PLGRKT: variants seen among roughly 807,000 people sequenced by gnomAD.
PLGRKT encodes the protein plasminogen receptor with a C-terminal lysine, also known as plasminogen receptor (KT).
In PLGRKT, 22 loss-of-function variants were observed where a neutral mutation model predicts 18.5. That is an observed-to-expected ratio of 1.19 (90% CI 0.85 to 1.70). The LOEUF is 1.70. PLGRKT is among the 40% of genes most tolerant of loss of function. The probability of loss-of-function intolerance (pLI) is 0.00; values close to 1 mark genes in which losing one functional copy is unlikely to be tolerated. For missense variants in PLGRKT, 235 were observed against 174.4 expected (o/e 1.35, Z -1.96); for synonymous variants, 72 against 52.8 (o/e 1.36, Z -1.58).
intron 3 of PLGRKT, among the ~76,000 whole-genome samples, chr9:5,393,480 C>T (rs1302410841): frequency 1.3e-5 from 2 of 151,882 alleles, no homozygotes; most frequent in Non-Finnish European, 2.9e-5. Context: ...TTTCTTGTTA[C>T]TATACCTTTC....
chr9:5,396,037 G>A (rs1818039912), intron 3 of PLGRKT, among the ~76,000 whole-genome samples: 1 of 151,340 alleles, frequency 6.6e-6, no homozygotes, highest in South Asian at 2.1e-4. Flanking sequence ...GGGATTACAG[G>A]TGCCCGCCAA....
At chr9:5,422,327 A>G (rs1818593803) in intron 3 of PLGRKT, among the ~76,000 whole-genome samples, 1 of 152,208 alleles carries the variant, frequency 6.6e-6, no homozygotes, top group South Asian at 2.1e-4. Context: ...CCACCTAGAA[A>G]AGATTCTTGC....
intron 3 of PLGRKT, among the ~76,000 whole-genome samples, chr9:5,391,199 T>G (rs1399318540): frequency 1.3e-5 from 2 of 151,962 alleles, no homozygotes; most frequent in African/African-American, 4.9e-5. Context: ...TGAGGCAACT[T>G]TATATGATGC....
intron 3 of PLGRKT, among the ~76,000 whole-genome samples, chr9:5,396,446 T>C (rs1818050376): frequency 6.6e-6 from 1 of 150,842 alleles, no homozygotes; most frequent in Admixed American, 6.6e-5. Flanking sequence ...CCACCACACA[T>C]GGCTAATTTT....
At chr9:5,388,856 T>C (rs1817893671) in intron 3 of PLGRKT, among the ~76,000 whole-genome samples, 1 of 152,074 alleles carries the variant, frequency 6.6e-6, no homozygotes, top group Non-Finnish European at 1.5e-5. Context: ...CGTTCATATA[T>C]GCAAAGAACC....
intron 3 of PLGRKT, among the ~76,000 whole-genome samples, chr9:5,406,606 G>T (rs1050112763): frequency 6.6e-6 from 1 of 151,928 alleles, no homozygotes; most frequent in Non-Finnish European, 1.5e-5. Flanking sequence ...GGGGCCTGTT[G>T]GGGGAGGGTG....
intron 3 of PLGRKT, among the ~76,000 whole-genome samples, chr9:5,376,454 C>T (rs1349013246): frequency 6.6e-6 from 1 of 152,100 alleles, no homozygotes; most frequent in Non-Finnish European, 1.5e-5. Flanking sequence ...ATACTAACTA[C>T]CTCTGAGGTT....
intron 3 of PLGRKT, among the ~76,000 whole-genome samples, chr9:5,370,044 C>A (rs540227385): frequency 5.3e-4 from 81 of 152,038 alleles, no homozygotes; most frequent in African/African-American, 1.7e-3. Flanking sequence ...CAAACCTGCA[C>A]ATTCTGCACA....
At chr9:5,396,556 A>G (rs1426804316) in intron 3 of PLGRKT, among the ~76,000 whole-genome samples, 2 of 152,044 alleles carry the variant, frequency 1.3e-5, no homozygotes, top group Non-Finnish European at 2.9e-5. Flanking sequence ...CAGCCTCGCA[A>G]AGTGCTGGAA....
intron 3 of PLGRKT, among the ~76,000 whole-genome samples, chr9:5,411,857 G>A (rs1030636088): frequency 2.0e-5 from 3 of 152,020 alleles, no homozygotes; most frequent in Non-Finnish European, 2.9e-5. Flanking sequence ...TCCTATTCTT[G>A]AATAAAATGA....
In PLGRKT at chr9:5,395,286, T is replaced by C. The variant is rs575870477; in HGVS notation, c.82-33398A>G. Reference sequence around the variant, plus strand: ...TAGGATTTGAGTAAAGTTACTGATATATGCTGTAGATATATGAAACTATAA... The same window carrying C: ...TAGGATTTGAGTAAAGTTACTGATACATGCTGTAGATATATGAAACTATAA... On this transcript the variant is annotated intron_variant, in intron 3 of 5. Transcript: ENST00000223864. 3.3e-5 allele frequency among the ~76,000 whole-genome samples: 5 copies of C among 152,038 alleles called. 1 individual carries two copies. The highest frequency in any genetic ancestry group is 1.2e-4 in the African/African-American group (5 of 41,298).
intron 3 of PLGRKT, among the ~76,000 whole-genome samples, chr9:5,399,382 A>G (rs1188989520): frequency 6.6e-6 from 1 of 151,908 alleles, no homozygotes; most frequent in South Asian, 2.1e-4. Context: ...TTATTATTTC[A>G]CCTTATATCA....
chr9:5,375,996 C>T (rs1198302896), intron 3 of PLGRKT, among the ~76,000 whole-genome samples: 1 of 152,172 alleles, frequency 6.6e-6, no homozygotes, highest in Non-Finnish European at 1.5e-5. Flanking sequence ...TACATATACA[C>T]ACAACAGGAT....
chr9:5,388,292 T>C (rs1187247148), intron 3 of PLGRKT, among the ~76,000 whole-genome samples: 1 of 151,854 alleles, frequency 6.6e-6, no homozygotes, highest in Admixed American at 6.5e-5. Context: ...AACTGAGGAA[T>C]GTTTTTCAAG....
chr9:5,385,604 T>C (rs1344139554), intron 3 of PLGRKT, among the ~76,000 whole-genome samples: 1 of 151,986 alleles, frequency 6.6e-6, no homozygotes, highest in East Asian at 1.9e-4. Flanking sequence ...TTGCCACTCT[T>C]CAGTACCTGT....
intron 3 of PLGRKT, among the ~76,000 whole-genome samples, chr9:5,416,837 A>C (rs956396280): frequency 6.6e-6 from 1 of 152,226 alleles, no homozygotes; most frequent in African/African-American, 2.4e-5. Context: ...ACCTTTGTAG[A>C]AAAGTGCCTG....
intron 3 of PLGRKT, among the ~76,000 whole-genome samples, chr9:5,366,357 A>C (rs748850867): frequency 6.6e-6 from 1 of 152,096 alleles, no homozygotes; most frequent in South Asian, 2.1e-4. Context: ...CTAAATACAA[A>C]ATTCTTTATC....
intron 3 of PLGRKT, among the ~76,000 whole-genome samples, chr9:5,369,184 G>A (rs977785323): frequency 7.2e-5 from 11 of 152,144 alleles, no homozygotes; most frequent in Admixed American, 3.3e-4. Flanking sequence ...TACAGAATGG[G>A]AGAAAATTTT....
chr9:5,412,945 A>G (rs1014304916), intron 3 of PLGRKT, among the ~76,000 whole-genome samples: 3 of 152,144 alleles, frequency 2.0e-5, no homozygotes, highest in Non-Finnish European at 4.4e-5. Context: ...AAAATTCACA[A>G]AAAAAACAAG....
Sources: allele counts gnomAD v4.1 joint callset (sites outside exome capture counted in the v4.1 genomes callset), GRCh38; gene constraint gnomAD v4.1.1; transcripts MANE v1.5; gene names NCBI Gene and HGNC (gene_info 2026-07-23, HGNC 2026-07-21).